The following WNT5A variants were observed in gnomAD, a reference collection of about 807,000 sequenced individuals.
The protein encoded by WNT5A is Wnt family member 5A.
WNT5A carries 9 observed loss-of-function variants against 42.1 expected under a neutral mutation model. The observed-to-expected ratio is 0.21, with a 90% CI of 0.13 to 0.37. The LOEUF (loss-of-function observed/expected upper bound fraction) is 0.37. Among genes scored for constraint, WNT5A ranks in the 10% least tolerant of loss-of-function variants. The pLI, the probability that WNT5A is intolerant of heterozygous loss-of-function variation, is 1.00. For synonymous variants in WNT5A, 210 were observed against 210.0 expected, an observed-to-expected ratio of 1.00 and a Z score of 0.00; for missense variants, 426 against 534.0, an observed-to-expected ratio of 0.80 and a Z score of 1.99.
At chr3:55,481,689 G>T (rs988779111) in intron 1 of WNT5A, among the ~76,000 whole-genome samples, 2 of 152,114 alleles carry the variant, frequency 1.3e-5, no homozygotes, top group African/African-American at 4.8e-5. Flanking sequence ...GGCCCTAGGG[G>T]ATAATGGAGA....
chr3:55,476,516 G>C (rs1194695481), intron 3 of WNT5A, among the ~76,000 whole-genome samples: 1 of 152,186 alleles, frequency 6.6e-6, no homozygotes, highest in Non-Finnish European at 1.5e-5. Context: ...AGGAGATGAA[G>C]AGGAGATGAA....
Position 55,474,594 on chromosome 3 carries a change from C to T in WNT5A, c.427G>A (p.Ala143Thr), listed in dbSNP as rs998033323. The T allele has an allele frequency of 6.7e-5, 99 of 1,471,022 alleles. 1 individual carries two copies. Among genetic ancestry groups the T allele is most frequent in the Admixed American group, 5.8e-4 (23 of 39,522 alleles). The allele number at this position is 1,471,022 out of a possible 1,614,324, so 91.1% of individuals were successfully genotyped here. The change falls in exon 4 of 5, where the codon GCA becomes ACA. Residue 143 changes from alanine to threonine, a missense_variant. Ala to Thr is a moderately conservative substitution (Grantham distance 58). Transcript: ENST00000264634. Reference sequence around the variant, plus strand: ...CTCATGGCGTTCACCACCCCTGCTGCGCTCACCGCGTATGTGAAGGCCGTC... The same window carrying T: ...CTCATGGCGTTCACCACCCCTGCTGTGCTCACCGCGTATGTGAAGGCCGTC... ...RETAFTYAVS[A>T]AGVVNAMSRA...
the WNT5A span, among the ~76,000 whole-genome samples, chr3:55,496,914 T>C: frequency 9.9e-5 from 15 of 152,222 alleles, no homozygotes; most frequent in African/African-American, 3.6e-4. Context: ...GTAAGGGCCA[T>C]AGACATGACT....
At chr3:55,490,717 T>C, upstream of WNT5A, among the ~76,000 whole-genome samples, 1 of 152,204 alleles carries the variant, frequency 6.6e-6, no homozygotes, top group Non-Finnish European at 1.5e-5. Context: ...GTTTTCAAAC[T>C]CCTGTGGTGG....
upstream of WNT5A, among the ~76,000 whole-genome samples, chr3:55,491,269 G>C (rs528851815): frequency 1.3e-5 from 2 of 152,292 alleles, no homozygotes; most frequent in African/African-American, 4.8e-5. Flanking sequence ...TGGGAAATGA[G>C]CAGACAGTTG....
upstream of WNT5A, chr3:55,487,947 C>G (rs1435161370): frequency 6.6e-6 from 1 of 151,868 alleles, no homozygotes; most frequent in African/African-American, 2.4e-5. Flanking sequence ...GTATCCCGTT[C>G]TTTCTCTCTT....
Position 55,479,564 on chromosome 3 carries a change from C to T in WNT5A, c.141G>A (p.Trp47Ter). 6.3e-7 allele frequency: 1 copy of T among 1,583,376 alleles called. No homozygotes were observed. Reference protein sequence around the residue: ...AQVVIEANSWWSLGMNNPVQM... With the variant: ...AQVVIEANSW ...GAACAGGGTTATTCATACCTAGCGA[C>T]CTGCAAGGGGGGGAGATGTGCATTC... The change falls in exon 3 of 5, where the codon TGG becomes TGA. Residue 47 changes from tryptophan (W) to a stop codon, truncating the protein, a stop_gained and splice_region_variant. Transcript: ENST00000264634. LOFTEE classifies it high-confidence loss of function.
chr3:55,477,931 G>C (rs2051386844), intron 3 of WNT5A, among the ~76,000 whole-genome samples: 1 of 152,146 alleles, frequency 6.6e-6, no homozygotes, highest in Admixed American at 6.5e-5. Context: ...GAGGAACATA[G>C]AAGAAGGGGG....
the WNT5A span, chr3:55,501,646 A>C: frequency 6.6e-6 from 1 of 152,206 alleles, no homozygotes; most frequent in African/African-American, 2.4e-5. Context: ...TACTCTTTTC[A>C]TCTGTGTACT....
At chr3:55,489,273 G>A (rs2051628987), upstream of WNT5A, 1 of 137,600 alleles carries the variant, frequency 7.3e-6, no homozygotes, top group Non-Finnish European at 1.5e-5. Flanking sequence ...GCTGTCAAAG[G>A]TGAAGACACA....
rs768815254 is a variant in WNT5A, at chr3:55,470,066, C to G, written c.*26G>C. The G allele has an allele frequency of 1.2e-6, 2 of 1,613,280 alleles. No homozygotes were observed. The highest frequency in any genetic ancestry group is 1.7e-6 in the Non-Finnish European group (2 of 1,179,354). On this transcript the variant is annotated 3_prime_UTR_variant, in exon 5 of 5. Coordinates refer to ENST00000264634, the MANE Select transcript of WNT5A (RefSeq NM_003392.7). ...TCTATAAATAAGCGGGTCCTGGGAGCGGGGCTGAGTGCTGGGTGGCACCCA... is the reference window on the plus strand; with the variant it reads ...TCTATAAATAAGCGGGTCCTGGGAGGGGGGCTGAGTGCTGGGTGGCACCCA...
chr3:55,470,627 C>T (rs1428530841), intron 4 of WNT5A, 77 bp from the exon 5 acceptor site: 9 of 1,311,620 alleles, frequency 6.9e-6, no homozygotes, highest in South Asian at 1.6e-5. Context: ...AAGTTCTCCT[C>T]GACCTTCTCC....
chr3:55,485,255 G>A (rs1408839776), intron 1 of WNT5A, among the ~76,000 whole-genome samples: 2 of 143,678 alleles, frequency 1.4e-5, no homozygotes, highest in Admixed American at 6.9e-5. Context: ...CTACCTCAAG[G>A]CGGCCAACAG....
chr3:55,485,202 C>T (rs2051553546), intron 1 of WNT5A, among the ~76,000 whole-genome samples: 1 of 151,736 alleles, frequency 6.6e-6, no homozygotes, highest in Non-Finnish European at 1.5e-5. Context: ...AGGGGAGCAG[C>T]TGCCCGCCCG....
At position 55,471,807 on chromosome 3, in the gene WNT5A, G is replaced by A. The variant is rs185575702; in HGVS notation, c.685-1257C>T. ...ACCCTCCAGAGTCCACGTGGTGTGAGTGTGCTGGAGAAGACCTGTCAGGAA... is the reference window on the plus strand; with the variant it reads ...ACCCTCCAGAGTCCACGTGGTGTGAATGTGCTGGAGAAGACCTGTCAGGAA... On this transcript the variant is annotated intron_variant, in intron 4 of 4. Coordinates refer to ENST00000264634, the MANE Select transcript of WNT5A (RefSeq NM_003392.7). Among the ~76,000 whole-genome samples the A allele has an allele frequency of 9.3e-4, 141 of 152,334 alleles. No individual in the cohort carries two copies. The Middle Eastern group carries it at 0.014, about 15-fold the overall frequency.
At chr3:55,479,624 A>C (rs1171774810) in intron 2 of WNT5A, 60 bp from the exon 3 acceptor site, 10 of 1,529,172 alleles carry the variant, frequency 6.5e-6, no homozygotes, top group Non-Finnish European at 8.8e-6. Context: ...GGGCCCCCTG[A>C]AAGCATGTCA....
At chr3:55,486,329 TAAC>T (rs1268610415) in intron 1 of WNT5A, among the ~76,000 whole-genome samples, 1 of 152,032 alleles carries the variant, frequency 6.6e-6, no homozygotes, top group Non-Finnish European at 1.5e-5. Context: ...ATAATGCTAA[TAAC>T]GCGACCCCGC....
chr3:55,485,111 T>C (rs1330485165), intron 1 of WNT5A, among the ~76,000 whole-genome samples: 2 of 151,530 alleles, frequency 1.3e-5, no homozygotes, highest in Admixed American at 6.6e-5. Context: ...AAACTGGTCC[T>C]CTGGGGGCCT....
At chr3:55,473,306 A>G (rs1381005383) in intron 4 of WNT5A, among the ~76,000 whole-genome samples, 7 of 152,100 alleles carry the variant, frequency 4.6e-5, no homozygotes, top group Non-Finnish European at 8.8e-5. Context: ...CCTCACCCCA[A>G]AATACAGAAG....
Sources: gnomAD v4.1 joint callset for allele counts (sites outside exome capture counted in the v4.1 genomes callset) on GRCh38, gnomAD v4.1.1 for gene constraint, MANE v1.5 for transcripts, NCBI Gene and HGNC (gene_info 2026-07-23, HGNC 2026-07-21) for gene names.